The following GRID2 variants were observed in gnomAD, a reference collection of about 807,000 sequenced individuals.
GRID2 encodes the protein glutamate ionotropic receptor delta type subunit 2, also known as glutamate receptor ionotropic, delta-2.
A neutral mutation model predicts 114.8 loss-of-function variants in GRID2; 33 were observed. The ratio of observed to expected loss-of-function variants is 0.29; its 90% CI spans 0.22 to 0.38. The LOEUF (loss-of-function observed/expected upper bound fraction) is 0.38. Among genes scored for constraint, GRID2 ranks in the 10% least tolerant of loss-of-function variants. The pLI is 1.00. For missense variants in GRID2, 1,184 were observed against 1,257.7 expected (o/e 0.94, Z 0.89); for synonymous variants, 505 against 449.9 (o/e 1.12, Z -1.55).
At chr4:92,615,498 A>G (rs1012456823) in intron 2 of GRID2, among the ~76,000 whole-genome samples, 1 of 151,542 alleles carries the variant, frequency 6.6e-6, no homozygotes, top group East Asian at 1.9e-4. Context: ...CCATCCACCT[A>G]TTTGTATTTG....
chr4:92,827,395 T>C (rs1371031387), intron 2 of GRID2, among the ~76,000 whole-genome samples: 3 of 148,018 alleles, frequency 2.0e-5, no homozygotes, highest in African/African-American at 7.4e-5. Flanking sequence ...AAAGGGATCC[T>C]GAGATTTAAA....
At chr4:92,720,541 A>G (rs976581211) in intron 2 of GRID2, among the ~76,000 whole-genome samples, 3 of 151,892 alleles carry the variant, frequency 2.0e-5, no homozygotes, top group Admixed American at 6.6e-5. Context: ...TCAAATAAAT[A>G]AATAAATAAA....
intron 1 of GRID2, among the ~76,000 whole-genome samples, chr4:92,385,514 G>A (rs955264920): frequency 6.6e-5 from 10 of 151,300 alleles, no homozygotes; most frequent in African/African-American, 1.7e-4. Context: ...CCATGTTAAC[G>A]CTATGAAAAC....
At chr4:93,020,537 T>C (rs1723180461) in intron 2 of GRID2, among the ~76,000 whole-genome samples, 1 of 152,190 alleles carries the variant, frequency 6.6e-6, no homozygotes, top group East Asian at 1.9e-4. Context: ...TGCATAACTT[T>C]GCTGATCATG....
At chr4:92,789,260 A>G (rs1739460399) in intron 2 of GRID2, among the ~76,000 whole-genome samples, 2 of 151,848 alleles carry the variant, frequency 1.3e-5, no homozygotes, top group Admixed American at 1.3e-4. Flanking sequence ...GCTGTTTTGT[A>G]GCTGCACTAT....
At chr4:93,052,650 A>G (rs1726834227) in intron 2 of GRID2, among the ~76,000 whole-genome samples, 1 of 151,946 alleles carries the variant, frequency 6.6e-6, no homozygotes, top group African/African-American at 2.4e-5. Context: ...CAGAAATGTC[A>G]CTGGTTGAGA....
At chr4:93,776,591 G>A (rs138745218), downstream of GRID2, among the ~76,000 whole-genome samples, 24 of 152,210 alleles carry the variant, frequency 1.6e-4, no homozygotes, top group East Asian at 1.4e-3. Context: ...CGGAGGCCAC[G>A]TTACAGAATG....
At chr4:92,514,982 T>G (rs1368616263) in intron 1 of GRID2, among the ~76,000 whole-genome samples, 1 of 151,874 alleles carries the variant, frequency 6.6e-6, no homozygotes, top group Non-Finnish European at 1.5e-5. Context: ...TTGCCCTATA[T>G]CAGGTCTCCA....
At chr4:93,391,582 C>G (rs556888449) in intron 8 of GRID2, among the ~76,000 whole-genome samples, 120 of 152,220 alleles carry the variant, frequency 7.9e-4, no homozygotes, top group Non-Finnish European at 1.4e-3. Context: ...CAATTAAGAT[C>G]TCCCCTGACT....
chr4:93,598,554 C>G (rs1739346359), intron 13 of GRID2, among the ~76,000 whole-genome samples: 1 of 152,156 alleles, frequency 6.6e-6, no homozygotes, highest in Admixed American at 6.5e-5. Context: ...TCTTTTCAAC[C>G]AAATTTATTC....
At chr4:93,042,056 C>A (rs537122508) in intron 2 of GRID2, among the ~76,000 whole-genome samples, 3 of 151,846 alleles carry the variant, frequency 2.0e-5, no homozygotes, top group African/African-American at 4.8e-5. Context: ...GTGCCCGCCA[C>A]CATGCCTGGC....
At chr4:92,859,163 C>A (rs151311515) in intron 2 of GRID2, among the ~76,000 whole-genome samples, 133 of 152,284 alleles carry the variant, frequency 8.7e-4, no homozygotes, top group Middle Eastern at 6.8e-3. Context: ...AGCCCCCCAA[C>A]CTTCAGCAAC....
intron 8 of GRID2, among the ~76,000 whole-genome samples, chr4:93,260,398 T>TA (rs57375215): frequency 4.3e-5 from 3 of 69,496 alleles, no homozygotes; most frequent in East Asian, 6.1e-4. Flanking sequence ...GTAGTAAATA[T>TA]AAAAAAAAAT....
At chr4:93,175,750 C>T (rs1739294343) in intron 4 of GRID2, among the ~76,000 whole-genome samples, 1 of 152,064 alleles carries the variant, frequency 6.6e-6, no homozygotes, top group Non-Finnish European at 1.5e-5. Context: ...TTAATTGGTT[C>T]TGGAGTCCTT....
intron 2 of GRID2, among the ~76,000 whole-genome samples, chr4:92,691,212 A>AT (rs1387469849): frequency 1.3e-5 from 2 of 152,088 alleles, no homozygotes; most frequent in East Asian, 3.9e-4. Context: ...TTTACAGGAT[A>AT]TTTTTATTTT....
chr4:92,678,976 T>A (rs1733517969), intron 2 of GRID2, among the ~76,000 whole-genome samples: 1 of 151,780 alleles, frequency 6.6e-6, no homozygotes, highest in Admixed American at 6.6e-5. Flanking sequence ...AATAGCTTTT[T>A]TTTTTTTTTT....
intron 2 of GRID2, among the ~76,000 whole-genome samples, chr4:92,618,917 G>A (rs1214363783): frequency 1.3e-5 from 2 of 151,694 alleles, no homozygotes; most frequent in East Asian, 3.9e-4. Context: ...GCAGTTCTGA[G>A]AGATTTTGTG....
chr4:93,302,153 A>C (rs559924616), intron 8 of GRID2, among the ~76,000 whole-genome samples: 1 of 152,280 alleles, frequency 6.6e-6, no homozygotes, highest in Admixed American at 6.5e-5. Context: ...GCTTTCAACC[A>C]TTCTTTAACC....
At chr4:93,088,172 T>A (rs1372712106) in intron 3 of GRID2, among the ~76,000 whole-genome samples, 1 of 152,170 alleles carries the variant, frequency 6.6e-6, no homozygotes, top group Non-Finnish European at 1.5e-5. Flanking sequence ...AATATAAATG[T>A]CTACTTTAAA....
Sources: allele counts gnomAD v4.1 joint callset (sites outside exome capture counted in the v4.1 genomes callset), GRCh38; gene constraint gnomAD v4.1.1; transcripts MANE v1.5; gene names NCBI Gene and HGNC (gene_info 2026-07-23, HGNC 2026-07-21).